Variants in CSMD1 observed in about 807,000 individuals in gnomAD.
CSMD1 encodes the protein CUB and sushi domain-containing protein 1.
In CSMD1, 213 loss-of-function variants were observed where a neutral mutation model predicts 417.5. That is an observed-to-expected ratio of 0.51 (90% CI 0.46 to 0.57). CSMD1 has a LOEUF of 0.57. Ranked by LOEUF, CSMD1 falls within the 20% of genes least tolerant of loss-of-function variation. The pLI is 0.00. For missense variants in CSMD1, 6,923 were observed against 4,529.7 expected (o/e 1.53, Z -15.17); for synonymous variants, 2,862 against 1,736.8 (o/e 1.65, Z -16.11).
intron 3 of CSMD1, among the ~76,000 whole-genome samples, chr8:4,081,955 A>C (rs958026886): frequency 6.6e-6 from 1 of 152,162 alleles, no homozygotes; most frequent in African/African-American, 2.4e-5. Flanking sequence ...AAAACCATAT[A>C]AACTCAATTA....
intron 25 of CSMD1, among the ~76,000 whole-genome samples, chr8:3,295,739 T>G (rs564601539): frequency 6.6e-6 from 1 of 152,284 alleles, no homozygotes; most frequent in African/African-American, 2.4e-5. Flanking sequence ...CTGATTACCG[T>G]CAGACTAAGA....
chr8:3,133,445 G>C (rs1220941058), intron 41 of CSMD1, among the ~76,000 whole-genome samples: 2 of 152,190 alleles, frequency 1.3e-5, no homozygotes, highest in African/African-American at 4.8e-5. Context: ...TAGCAGCTGG[G>C]GGTGCCTTGG....
intron 5 of CSMD1, among the ~76,000 whole-genome samples, chr8:3,988,835 A>AT (rs1814527058): frequency 6.6e-6 from 1 of 152,086 alleles, no homozygotes; most frequent in South Asian, 2.1e-4. Flanking sequence ...TTTAGGTCCT[A>AT]TTTTTTCCTT....
intron 5 of CSMD1, among the ~76,000 whole-genome samples, chr8:3,812,183 T>A (rs1157233467): frequency 1.3e-5 from 2 of 152,180 alleles, no homozygotes; most frequent in Non-Finnish European, 2.9e-5. Flanking sequence ...AGTTGTTTAA[T>A]AAAAGAGACC....
chr8:3,259,585 A>C (rs1424251764), intron 26 of CSMD1, among the ~76,000 whole-genome samples: 2 of 152,220 alleles, frequency 1.3e-5, no homozygotes, highest in African/African-American at 4.8e-5. Flanking sequence ...TAGTTGTTAA[A>C]CATGATGTGT....
intron 5 of CSMD1, among the ~76,000 whole-genome samples, chr8:3,761,935 C>T (rs1014649563): frequency 6.6e-6 from 1 of 152,136 alleles, no homozygotes; most frequent in East Asian, 1.9e-4. Context: ...GGAGCACTCT[C>T]TGAGGCACCA....
chr8:3,461,329 G>C (rs545849822), intron 12 of CSMD1, among the ~76,000 whole-genome samples: 2 of 152,214 alleles, frequency 1.3e-5, no homozygotes, highest in Admixed American at 6.5e-5. Context: ...AGGCATGGCT[G>C]AGGAGCCAGC....
At chr8:4,444,859 C>T (rs544364174) in intron 2 of CSMD1, among the ~76,000 whole-genome samples, 1 of 152,186 alleles carries the variant, frequency 6.6e-6, no homozygotes, top group Admixed American at 6.5e-5. Flanking sequence ...CCAGAGGACT[C>T]CTGCTGCAGC....
intron 10 of CSMD1, among the ~76,000 whole-genome samples, chr8:3,500,595 G>A (rs1440365252): frequency 6.6e-6 from 1 of 152,110 alleles, no homozygotes; most frequent in African/African-American, 2.4e-5. Flanking sequence ...AAGAATCTGT[G>A]GTAGGGAGGA....
intron 2 of CSMD1, among the ~76,000 whole-genome samples, chr8:4,443,351 C>G (rs531922427): frequency 2.6e-5 from 4 of 152,230 alleles, no homozygotes; most frequent in Non-Finnish European, 5.9e-5. Context: ...TGCATACACA[C>G]TGGTCTTTGA....
chr8:4,291,151 G>A lies in CSMD1; in HGVS notation c.415+128802C>T, dbSNP rs544900141. 2.6e-5 allele frequency among the ~76,000 whole-genome samples: 4 copies of A among 151,602 alleles called. No homozygotes were observed. The East Asian group carries it at 5.8e-4, about 22-fold the overall frequency. On this transcript the variant is annotated intron_variant, in intron 3 of 69. Coordinates refer to ENST00000635120, the MANE Select transcript of CSMD1 (RefSeq NM_033225.6). ...GAATCTGAGTCTTAATATGGTTTGGGGATTATCTATATTCTCTTTAGTGTT... is the reference window on the plus strand; with the variant it reads ...GAATCTGAGTCTTAATATGGTTTGGAGATTATCTATATTCTCTTTAGTGTT...
chr8:3,630,740 C>T (rs1376710233), intron 7 of CSMD1, among the ~76,000 whole-genome samples: 1 of 152,088 alleles, frequency 6.6e-6, no homozygotes, highest in Non-Finnish European at 1.5e-5. Context: ...TCTCTGAAGC[C>T]ACTGAGCCAA....
intron 18 of CSMD1, among the ~76,000 whole-genome samples, chr8:3,386,302 C>G (rs1810999995): frequency 6.6e-6 from 1 of 152,216 alleles, no homozygotes. Flanking sequence ...GCACCTCTTT[C>G]TCAGCCTGCT....
chr8:4,680,833 G>A (rs920272031), intron 1 of CSMD1, among the ~76,000 whole-genome samples: 2 of 152,098 alleles, frequency 1.3e-5, no homozygotes, highest in African/African-American at 4.8e-5. Context: ...ACCCGCCTTG[G>A]CCTCCCAAAG....
Position 3,795,435 on chromosome 8 carries a change from G to A in CSMD1, c.819-41393C>T, listed in dbSNP as rs1332293583. ...TAGATATATATCTATCATAGATATAGATATATATCTATCATAGATATAGAT... is the reference window on the plus strand; with the variant it reads ...TAGATATATATCTATCATAGATATAAATATATATCTATCATAGATATAGAT... On this transcript the variant is annotated intron_variant, in intron 5 of 69. Coordinates refer to ENST00000635120, the MANE Select transcript of CSMD1 (RefSeq NM_033225.6). 1.8e-4 allele frequency among the ~76,000 whole-genome samples: 5 copies of A among 27,876 alleles called. 2 individuals are homozygous for A. In the East Asian group the frequency reaches 5.7e-3, roughly 32 times the overall value. The allele number at this position is 27,876 out of a possible 152,430, so 18.3% of individuals were successfully genotyped here.
intron 25 of CSMD1, among the ~76,000 whole-genome samples, chr8:3,297,409 G>A (rs752670717): frequency 6.6e-6 from 1 of 151,970 alleles, no homozygotes; most frequent in Non-Finnish European, 1.5e-5. Context: ...TATGATACTG[G>A]GTATCAAGAT....
chr8:4,217,362 T>G (rs1800746801), intron 3 of CSMD1, among the ~76,000 whole-genome samples: 1 of 152,230 alleles, frequency 6.6e-6, no homozygotes, highest in Admixed American at 6.5e-5. Context: ...CTATATTTTC[T>G]CTAATATTAG....
At chr8:3,259,586 CATG>C (rs998615550) in intron 26 of CSMD1, among the ~76,000 whole-genome samples, 3 of 152,156 alleles carry the variant, frequency 2.0e-5, no homozygotes, top group Admixed American at 6.5e-5. Context: ...AGTTGTTAAA[CATG>C]ATGTGTCTTT....
At chr8:3,482,058 C>G (rs185461273) in intron 11 of CSMD1, among the ~76,000 whole-genome samples, 1 of 152,002 alleles carries the variant, frequency 6.6e-6, no homozygotes, top group African/African-American at 2.4e-5. Context: ...ATACCACAAA[C>G]AGGTTAAGAT....
Sources: gnomAD v4.1 joint callset for allele counts (sites outside exome capture counted in the v4.1 genomes callset) on GRCh38, gnomAD v4.1.1 for gene constraint, MANE v1.5 for transcripts, NCBI Gene and HGNC (gene_info 2026-07-23, HGNC 2026-07-21) for gene names.